The following PCDHA2 variants were observed in gnomAD, a reference collection of about 807,000 sequenced individuals.
PCDHA2 encodes the protein protocadherin alpha 2.
Under a neutral mutation model 66.0 loss-of-function variants are expected in PCDHA2, and 58 were observed. The observed-to-expected ratio is 0.88, with a 90% CI of 0.71 to 1.09. PCDHA2 has a LOEUF of 1.09. Among genes scored for constraint, PCDHA2 ranks in the 50% least tolerant of loss-of-function variants. The pLI, the probability that PCDHA2 is intolerant of heterozygous loss-of-function variation, is 0.00. For missense variants in PCDHA2, 1,267 were observed against 1,242.3 expected (o/e 1.02, Z -0.30); for synonymous variants, 634 against 554.0 (o/e 1.14, Z -2.03).
At chr5:140,850,694 G>C in intron 1 of PCDHA2, 2 of 1,598,344 alleles carry the variant, frequency 1.3e-6, no homozygotes, top group Non-Finnish European at 1.7e-6. Context: ...GCGAGTGCGC[G>C]CCTGGCAAGC....
intron 1 of PCDHA2, among the ~76,000 whole-genome samples, chr5:140,946,879 G>A (rs246051): frequency 0.56 from 84,931 of 150,730 alleles, 24,535 homozygotes; most frequent in African/African-American, 0.69. Flanking sequence ...CAATGGGTAC[G>A]AAGTTACAAT....
At chr5:140,822,293 C>G (rs2150115292) in intron 1 of PCDHA2, 1 of 1,614,164 alleles carries the variant, frequency 6.2e-7, no homozygotes, top group Non-Finnish European at 8.5e-7. Flanking sequence ...AGGTTAAATC[C>G]AAACGAATAT....
chr5:140,845,492 G>T lies in PCDHA2; in HGVS notation c.2388+48140G>T, dbSNP rs2150379266. ...ATTTGGGGTTGTGCTTTCACAGTGA[G>T]AAAGTCTAAACCTATTTCTTGTACA... On this transcript the variant is annotated intron_variant, in intron 1 of 3. Coordinates refer to ENST00000526136, the MANE Select transcript of PCDHA2 (RefSeq NM_018905.3). Among the ~76,000 whole-genome samples, 111 of 149,698 alleles carry T rather than the reference G, an allele frequency of 7.4e-4. 5 individuals are homozygous for T. Among genetic ancestry groups the T allele is most frequent in the African/African-American group, 2.6e-3 (108 of 41,006 alleles).
chr5:140,861,756 T>C (rs1158733756), intron 1 of PCDHA2: 1 of 108,868 alleles, frequency 9.2e-6, no homozygotes, highest in Non-Finnish European at 1.9e-5. Context: ...AATGATTATT[T>C]TTCCCTGGAA....
At chr5:140,830,615 T>C in intron 1 of PCDHA2, 1 of 612,998 alleles carries the variant, frequency 1.6e-6, no homozygotes, top group African/African-American at 1.9e-5. Flanking sequence ...TTCATTTTAT[T>C]GTGTTTCTTA....
intron 3 of PCDHA2, among the ~76,000 whole-genome samples, chr5:140,985,239 A>C (rs2097143502): frequency 6.6e-6 from 1 of 152,008 alleles, no homozygotes; most frequent in South Asian, 2.1e-4. Flanking sequence ...GCCTGGCCTA[A>C]TCTTCTTACT....
At chr5:140,829,853 G>GGCCAA (rs1554132325) in intron 1 of PCDHA2, 1 of 1,613,852 alleles carries the variant, frequency 6.2e-7, no homozygotes, top group East Asian at 2.2e-5. Context: ...ACTGGGTGCA[G>GGCCAA]GCCAAGTGGT....
chr5:140,797,317 G>C lies in PCDHA2; in HGVS notation c.2353G>C (p.Glu785Gln), dbSNP rs1554120398. The C allele has an allele frequency of 6.2e-7, 1 of 1,614,232 alleles. No individual in the cohort carries two copies. Among genetic ancestry groups the C allele is most frequent in the Non-Finnish European group, 8.5e-7 (1 of 1,180,048 alleles). Reference sequence around the variant, plus strand: ...ATCTCAAGGTCCAGACTCCGCAGAAGAGAAACAGCTCTCAGAATCAGAATA... The same window carrying C: ...ATCTCAAGGTCCAGACTCCGCAGAACAGAAACAGCTCTCAGAATCAGAATA... ...SLSQGPDSAE[E>Q]KQLSESEYVG... The change falls in exon 1 of 4, where the codon GAG becomes CAG. Residue 785 changes from glutamate to glutamine, a missense_variant. Coordinates refer to ENST00000526136, the MANE Select transcript of PCDHA2 (RefSeq NM_018905.3).
intron 1 of PCDHA2, among the ~76,000 whole-genome samples, chr5:140,944,325 T>C (rs1179163685): frequency 1.3e-5 from 2 of 152,196 alleles, no homozygotes; most frequent in East Asian, 3.9e-4. Context: ...GTAGCTGGGA[T>C]TACAAGCACG....
At chr5:140,842,429 G>A (rs2150335893) in intron 1 of PCDHA2, 3 of 1,613,436 alleles carry the variant, frequency 1.9e-6, no homozygotes, top group Non-Finnish European at 1.7e-6. Flanking sequence ...TACTGTCATC[G>A]CCCTAATTAG....
chr5:140,883,581 C>T (rs144119560), intron 1 of PCDHA2: 1 of 1,614,018 alleles, frequency 6.2e-7, no homozygotes, highest in Non-Finnish European at 8.5e-7. Flanking sequence ...CTGTGGGCCA[C>T]GGCCAGCGTG....
At chr5:140,966,469 C>G (rs1308389710) in intron 1 of PCDHA2, 1 of 432,506 alleles carries the variant, frequency 2.3e-6, no homozygotes, top group African/African-American at 2.0e-5. Context: ...GTCTTCCCTT[C>G]TGTTTCCTTT....
chr5:140,922,063 A>C (rs1324927848), intron 1 of PCDHA2, among the ~76,000 whole-genome samples: 2 of 152,190 alleles, frequency 1.3e-5, no homozygotes, highest in African/African-American at 4.8e-5. Context: ...AAATGTAGCA[A>C]TCCCACTAAG....
chr5:140,972,583 T>G (rs1445659828), intron 1 of PCDHA2, among the ~76,000 whole-genome samples: 1 of 152,088 alleles, frequency 6.6e-6, no homozygotes, highest in African/African-American at 2.4e-5. Flanking sequence ...TAGGGCAGAA[T>G]TTCTCTTTGG....
At chr5:140,826,767 G>A (rs2150145358) in intron 1 of PCDHA2, among the ~76,000 whole-genome samples, 1 of 152,140 alleles carries the variant, frequency 6.6e-6, no homozygotes, top group Non-Finnish European at 1.5e-5. Flanking sequence ...ATATTGGAGA[G>A]TAATTGAAAA....
intron 1 of PCDHA2, chr5:140,969,368 G>A: frequency 6.2e-7 from 1 of 1,608,874 alleles, no homozygotes; most frequent in Non-Finnish European, 8.5e-7. Flanking sequence ...ACAAACTCAT[G>A]CATTTGTTAC....
intron 1 of PCDHA2, among the ~76,000 whole-genome samples, chr5:140,844,781 G>A (rs1779544851): frequency 6.7e-6 from 1 of 149,070 alleles, no homozygotes; most frequent in African/African-American, 2.5e-5. Context: ...CTTTATTTTG[G>A]TATCTTTCAA....
At chr5:140,906,265 TATAG>T (rs1455952624) in intron 1 of PCDHA2, among the ~76,000 whole-genome samples, 7 of 152,148 alleles carry the variant, frequency 4.6e-5, no homozygotes, top group African/African-American at 1.2e-4. Context: ...CTCCTGAAAT[TATAG>T]ATAATCTTCA....
chr5:141,005,797 A>G (rs1444669955), intron 3 of PCDHA2, among the ~76,000 whole-genome samples: 2 of 150,756 alleles, frequency 1.3e-5, no homozygotes, highest in East Asian at 1.9e-4. Context: ...GGCAAAAACA[A>G]CTCCAAGGAG....
Sources: gnomAD v4.1 joint callset for allele counts (sites outside exome capture counted in the v4.1 genomes callset) on GRCh38, gnomAD v4.1.1 for gene constraint, MANE v1.5 for transcripts, NCBI Gene and HGNC (gene_info 2026-07-23, HGNC 2026-07-21) for gene names.